Variants in CTNNA3 observed in about 807,000 individuals in gnomAD.
The protein encoded by CTNNA3 is catenin alpha-3.
A neutral mutation model predicts 95.7 loss-of-function variants in CTNNA3; 76 were observed. That is an observed-to-expected ratio of 0.79 (90% CI 0.66 to 0.96). The LOEUF (loss-of-function observed/expected upper bound fraction) is 0.96, where lower values mean the gene tolerates loss of function less well. CTNNA3 is among the 40% of genes least tolerant of loss of function. CTNNA3 has a pLI of 0.00. For missense variants in CTNNA3, 1,191 were observed against 1,089.8 expected (o/e 1.09, Z -1.31); for synonymous variants, 431 against 374.4 (o/e 1.15, Z -1.74).
intron 7 of CTNNA3, among the ~76,000 whole-genome samples, chr10:66,846,957 C>T (rs1400466765): frequency 6.6e-6 from 1 of 152,122 alleles, no homozygotes; most frequent in Non-Finnish European, 1.5e-5. Flanking sequence ...TCATGTTTTC[C>T]CCCATTCACA....
intron 7 of CTNNA3, among the ~76,000 whole-genome samples, chr10:66,929,894 A>C (rs575519873): frequency 9.2e-5 from 14 of 152,230 alleles, no homozygotes; most frequent in Admixed American, 1.3e-4. Flanking sequence ...TTCATCCTCC[A>C]AAATGAACAG....
chr10:67,275,185 A>G (rs1004173848), intron 5 of CTNNA3, among the ~76,000 whole-genome samples: 1 of 152,178 alleles, frequency 6.6e-6, no homozygotes, highest in East Asian at 1.9e-4. Context: ...TAATCCTTGT[A>G]ACAACTATAT....
At chr10:66,442,777 T>C (rs559577700) in intron 11 of CTNNA3, among the ~76,000 whole-genome samples, 1 of 152,214 alleles carries the variant, frequency 6.6e-6, no homozygotes, top group South Asian at 2.1e-4. Context: ...AGGTACTGGG[T>C]TCATCTCACT....
intron 9 of CTNNA3, among the ~76,000 whole-genome samples, chr10:66,691,736 C>T (rs1441287309): frequency 2.0e-5 from 3 of 152,156 alleles, no homozygotes; most frequent in Non-Finnish European, 4.4e-5. Flanking sequence ...TGACACCTCA[C>T]ACGGCTGGGT....
chr10:66,109,065 T>C lies in CTNNA3; in HGVS notation c.1885-5816A>G, dbSNP rs552171129. ...ATCAGTACTAACTTGCCCTACTCCT[T>C]GACAATCCAATATGGATAAAAAAGA... On this transcript the variant is annotated intron_variant, in intron 13 of 17. Transcript: ENST00000433211. Among the ~76,000 whole-genome samples, 27 of 152,320 alleles carry C rather than the reference T, an allele frequency of 1.8e-4. No homozygotes were observed. In the South Asian group the frequency reaches 5.6e-3, roughly 32 times the overall value.
chr10:67,396,652 G>T (rs1394703112), intron 5 of CTNNA3, among the ~76,000 whole-genome samples: 1 of 152,140 alleles, frequency 6.6e-6, no homozygotes, highest in African/African-American at 2.4e-5. Flanking sequence ...AGAAAATGTT[G>T]TTAAAACAAT....
chr10:66,773,973 C>A (rs1413283589), intron 8 of CTNNA3, among the ~76,000 whole-genome samples: 1 of 152,088 alleles, frequency 6.6e-6, no homozygotes, highest in Non-Finnish European at 1.5e-5. Flanking sequence ...TTATACTAAA[C>A]CATGTTTGTT....
chr10:67,188,164 G>A (rs116290635), intron 6 of CTNNA3, among the ~76,000 whole-genome samples: 3,546 of 152,284 alleles, frequency 0.023, 116 homozygotes, highest in African/African-American at 0.074. Context: ...TTGACCAGAC[G>A]TAAGTCTGGA....
At chr10:67,060,086 C>A (rs1028197221) in intron 7 of CTNNA3, among the ~76,000 whole-genome samples, 1 of 151,962 alleles carries the variant, frequency 6.6e-6, no homozygotes, top group African/African-American at 2.4e-5. Flanking sequence ...GATGCCAGGG[C>A]GGGTGGATCA....
chr10:66,997,160 A>G (rs1925611), intron 7 of CTNNA3, among the ~76,000 whole-genome samples: 77,187 of 151,982 alleles, frequency 0.51, 20,773 homozygotes, highest in East Asian at 0.81. Context: ...AGTGTCAAGC[A>G]TTTGGCAAAA....
chr10:67,086,775 G>T (rs1468367800), intron 7 of CTNNA3, among the ~76,000 whole-genome samples: 2 of 151,860 alleles, frequency 1.3e-5, no homozygotes, highest in African/African-American at 4.8e-5. Flanking sequence ...TCCACCAGTT[G>T]CTTCTATAAC....
chr10:66,527,989 T>C (rs1425542083), intron 10 of CTNNA3, among the ~76,000 whole-genome samples: 1 of 152,154 alleles, frequency 6.6e-6, no homozygotes, highest in African/African-American at 2.4e-5. Flanking sequence ...AAGGAATTAA[T>C]TGGATTGATT....
In CTNNA3 at chr10:67,068,798, G is replaced by A. The variant is rs141771675; in HGVS notation, c.1047+111519C>T. On this transcript the variant is annotated intron_variant, in intron 7 of 17. Coordinates refer to ENST00000433211, the MANE Select transcript of CTNNA3 (RefSeq NM_013266.4). ...GTTTGGACCAGGCATTGTGGCTTAC[G>A]CCTGTAATCCCAGCACTTTGGGAGG... 2.0e-3 allele frequency among the ~76,000 whole-genome samples: 304 copies of A among 152,296 alleles called. 3 individuals carry two copies. The highest frequency in any genetic ancestry group is 0.01 in the Middle Eastern group (3 of 294).
intron 12 of CTNNA3, among the ~76,000 whole-genome samples, chr10:66,371,936 A>G (rs531339915): frequency 1.1e-4 from 17 of 152,194 alleles, no homozygotes; most frequent in Non-Finnish European, 2.4e-4. Flanking sequence ...CAGTGGTAGA[A>G]CCATCTGAAA....
intron 1 of CTNNA3, among the ~76,000 whole-genome samples, chr10:67,737,782 T>C (rs1275182019): frequency 6.6e-6 from 1 of 152,072 alleles, no homozygotes; most frequent in Non-Finnish European, 1.5e-5. Flanking sequence ...TGTGGAGAAA[T>C]AGGAACACTT....
At chr10:66,416,635 G>A (rs1430174415) in intron 11 of CTNNA3, among the ~76,000 whole-genome samples, 4 of 151,732 alleles carry the variant, frequency 2.6e-5, no homozygotes, top group Non-Finnish European at 2.9e-5. Flanking sequence ...AAACCTTATA[G>A]GCCAGGAGAG....
intron 10 of CTNNA3, among the ~76,000 whole-genome samples, chr10:66,573,007 T>G (rs576950168): frequency 1.8e-4 from 27 of 152,158 alleles, no homozygotes; most frequent in Non-Finnish European, 2.4e-4. Context: ...GCTGGGGCTC[T>G]GATTACAAGT....
intron 3 of CTNNA3, among the ~76,000 whole-genome samples, chr10:67,584,309 C>T (rs546656671): frequency 4.3e-4 from 65 of 152,326 alleles, no homozygotes; most frequent in African/African-American, 1.3e-3. Context: ...AGGTGCAGGT[C>T]TGTTGGACTT....
chr10:67,216,252 T>G (rs1037109729), intron 6 of CTNNA3, among the ~76,000 whole-genome samples: 1 of 152,158 alleles, frequency 6.6e-6, no homozygotes, highest in South Asian at 2.1e-4. Flanking sequence ...GAACTCTGAC[T>G]AAGGCTGGAC....
Sources: gnomAD v4.1 joint callset for allele counts (sites outside exome capture counted in the v4.1 genomes callset) on GRCh38, gnomAD v4.1.1 for gene constraint, MANE v1.5 for transcripts, NCBI Gene and HGNC (gene_info 2026-07-23, HGNC 2026-07-21) for gene names.